Variants in DCDC2C observed in about 807,000 individuals in gnomAD.
The protein encoded by DCDC2C is doublecortin domain containing 2C, also known as doublecortin domain-containing protein 2C.
In DCDC2C, 44 loss-of-function variants were observed where a neutral mutation model predicts 45.0. The observed-to-expected ratio is 0.98, with a 90% CI of 0.77 to 1.26. The LOEUF (loss-of-function observed/expected upper bound fraction) is 1.26. Among genes scored for constraint, DCDC2C ranks in the 50% most tolerant of loss-of-function variants. DCDC2C has a pLI of 0.00. For missense variants in DCDC2C, 447 were observed against 468.9 expected, an observed-to-expected ratio of 0.95 and a Z score of 0.43; for synonymous variants, 187 against 178.8, an observed-to-expected ratio of 1.05 and a Z score of -0.37.
Position 3,742,046 on chromosome 2 carries a change from G to A in DCDC2C, c.543G>A (p.Arg181=), listed in dbSNP as rs1669231158. ...AAGTCTTCCCTCTAGGAGGCGTTCG[G>A]AAGTAAGGAGACTCTCGCCTTTAGG... ...GEKVFPLGGV[R]KLFTMNGHLL... Residue 181 remains arginine (R), a splice_region_variant and synonymous_variant, in exon 4 of 11, where the codon CGG becomes CGA. Transcript: ENST00000399143. 1 of 1,536,428 alleles carries A rather than the reference G, an allele frequency of 6.5e-7. No homozygotes were observed. Among genetic ancestry groups the A allele is most frequent in the Non-Finnish European group, 8.8e-7 (1 of 1,141,530 alleles).
At chr2:3,789,115 G>A (rs1670738588) in intron 10 of DCDC2C, among the ~76,000 whole-genome samples, 1 of 152,052 alleles carries the variant, frequency 6.6e-6, no homozygotes, top group African/African-American at 2.4e-5. Flanking sequence ...GCCTCCCAAA[G>A]TGCTGGGATT....
At chr2:3,832,933 A>G (rs1346830185) in intron 10 of DCDC2C, among the ~76,000 whole-genome samples, 2 of 152,248 alleles carry the variant, frequency 1.3e-5, no homozygotes, top group Non-Finnish European at 2.9e-5. Flanking sequence ...GTTATGATTT[A>G]CAGTTCTGTA....
intron 4 of DCDC2C, among the ~76,000 whole-genome samples, chr2:3,746,407 A>G (rs1401505910): frequency 6.6e-6 from 1 of 152,166 alleles, no homozygotes; most frequent in African/African-American, 2.4e-5. Context: ...GACCCACTCT[A>G]AGAAAGGAAT....
In DCDC2C at chr2:3,752,254, A is replaced by G. The variant is rs146930417; in HGVS notation, c.546-509A>G. The stretch of plus-strand genomic sequence containing the variant: ...TTGCCTACCTCATTGTCTTATGCAT[A>G]TAGAGGCTCAGCATTGAGTTAATTG... On this transcript the variant is annotated intron_variant, in intron 4 of 10. Coordinates refer to ENST00000399143, the MANE Select transcript of DCDC2C (RefSeq NM_001287444.2). Among the ~76,000 whole-genome samples the G allele has an allele frequency of 2.9e-3, 438 of 152,308 alleles. 2 individuals are homozygous for G. Among genetic ancestry groups the G allele is most frequent in the African/African-American group, 0.01 (420 of 41,556 alleles).
intron 10 of DCDC2C, among the ~76,000 whole-genome samples, chr2:3,803,867 C>T (rs1389680867): frequency 6.6e-6 from 1 of 152,222 alleles, no homozygotes; most frequent in Non-Finnish European, 1.5e-5. Flanking sequence ...GCTTTGCACT[C>T]TTCTGACTTC....
At chr2:3,797,910 A>G (rs527830792) in intron 10 of DCDC2C, among the ~76,000 whole-genome samples, 2 of 148,284 alleles carry the variant, frequency 1.3e-5, no homozygotes, top group Non-Finnish European at 3.0e-5. Flanking sequence ...GCTGAGTTCA[A>G]TTCCTGGGTA....
At chr2:3,790,477 C>G (rs1243676865) in intron 10 of DCDC2C, among the ~76,000 whole-genome samples, 1 of 152,180 alleles carries the variant, frequency 6.6e-6, no homozygotes, top group African/African-American at 2.4e-5. Context: ...TGTGTGCTTT[C>G]TCAATCAGTG....
intron 6 of DCDC2C, among the ~76,000 whole-genome samples, chr2:3,762,222 C>T (rs1223341134): frequency 7.2e-6 from 1 of 139,100 alleles, no homozygotes; most frequent in African/African-American, 2.6e-5. Flanking sequence ...CAAAAGCCAC[C>T]TGGAGTGCCA....
Position 3,711,298 on chromosome 2 carries a change from C to T in DCDC2C, c.339+2698C>T, listed in dbSNP as rs187363799. ...CAGCAATGCCGTTACTGGGTATATA[C>T]CCAAGGGAATATAAATCATCCTGTC... On this transcript the variant is annotated intron_variant, in intron 2 of 10. Transcript: ENST00000399143. 4.4e-4 allele frequency among the ~76,000 whole-genome samples: 67 copies of T among 152,220 alleles called. No individual in the cohort carries two copies. The East Asian group carries it at 0.012, about 28-fold the overall frequency.
chr2:3,842,802 C>A (rs1356701067), intron 10 of DCDC2C, among the ~76,000 whole-genome samples: 1 of 152,138 alleles, frequency 6.6e-6, no homozygotes, highest in African/African-American at 2.4e-5. Flanking sequence ...GTCCTCAACA[C>A]ATGGTCTCTG....
chr2:3,727,593 C>G (rs771870865), intron 3 of DCDC2C, among the ~76,000 whole-genome samples: 1 of 152,240 alleles, frequency 6.6e-6, no homozygotes, highest in African/African-American at 2.4e-5. Context: ...CCTCACTGGC[C>G]GCTGCCCTGG....
chr2:3,771,634 A>G (rs1242371449), intron 8 of DCDC2C, among the ~76,000 whole-genome samples: 1 of 152,200 alleles, frequency 6.6e-6, no homozygotes, highest in African/African-American at 2.4e-5. Flanking sequence ...CCGTTGTCCA[A>G]GGACCTCCTT....
chr2:3,804,664 T>C (rs1671190023), intron 10 of DCDC2C, among the ~76,000 whole-genome samples: 2 of 152,210 alleles, frequency 1.3e-5, no homozygotes, highest in African/African-American at 4.8e-5. Flanking sequence ...AAGGAAATGA[T>C]TTCTCTGTTG....
chr2:3,773,227 G>A (rs889079554), intron 8 of DCDC2C, among the ~76,000 whole-genome samples: 138 of 136,140 alleles, frequency 1.0e-3, no homozygotes, highest in African/African-American at 3.5e-3. Context: ...GTGAATTATC[G>A]CCAGTCTTTA....
intron 8 of DCDC2C, among the ~76,000 whole-genome samples, chr2:3,777,360 T>A (rs1670369515): frequency 1.3e-5 from 2 of 152,210 alleles, no homozygotes; most frequent in Admixed American, 1.3e-4. Flanking sequence ...TTAATATCTG[T>A]CTTCCCTATA....
At chr2:3,723,950 T>G (rs1317500047) in intron 2 of DCDC2C, among the ~76,000 whole-genome samples, 2 of 151,818 alleles carry the variant, frequency 1.3e-5, no homozygotes, top group Non-Finnish European at 2.9e-5. Context: ...CCTTCCCCCT[T>G]CTCTGTCTCT....
chr2:3,743,608 C>T (rs2148111487), intron 4 of DCDC2C, among the ~76,000 whole-genome samples: 1 of 152,198 alleles, frequency 6.6e-6, no homozygotes, highest in East Asian at 1.9e-4. Context: ...TTGGAAAATT[C>T]ACAAATATTT....
chr2:3,839,367 T>C (rs1672154698), intron 10 of DCDC2C, among the ~76,000 whole-genome samples: 1 of 152,240 alleles, frequency 6.6e-6, no homozygotes. Flanking sequence ...AATTCATAAC[T>C]AGCAGCTGCT....
At chr2:3,769,789 G>C (rs1334012624) in intron 8 of DCDC2C, among the ~76,000 whole-genome samples, 1 of 152,226 alleles carries the variant, frequency 6.6e-6, no homozygotes, top group Non-Finnish European at 1.5e-5. Flanking sequence ...GGAGGCCTTA[G>C]TAATTTTTTT....
Sources: gnomAD v4.1 joint callset for allele counts (sites outside exome capture counted in the v4.1 genomes callset) on GRCh38, gnomAD v4.1.1 for gene constraint, MANE v1.5 for transcripts, NCBI Gene and HGNC (gene_info 2026-07-23, HGNC 2026-07-21) for gene names.